Variants in COL4A5 observed in about 807,000 individuals in gnomAD.
COL4A5 encodes the protein collagen alpha-5(IV) chain.
Under a neutral mutation model 130.2 loss-of-function variants are expected in COL4A5, and 26 were observed. The ratio of observed to expected loss-of-function variants is 0.20; its 90% confidence interval spans 0.15 to 0.28. COL4A5 has a LOEUF of 0.28. COL4A5 is among the 10% of genes least tolerant of loss of function. The pLI, the probability that COL4A5 is intolerant of heterozygous loss-of-function variation, is 1.00. For synonymous variants in COL4A5, 496 were observed against 439.6 expected (o/e 1.13, Z -1.60); for missense variants, 1,131 against 1,344.3 (o/e 0.84, Z 2.48).
chrX:108,470,358 T>C lies in COL4A5; in HGVS notation c.81+30152T>C, dbSNP rs897652331. Among the ~76,000 whole-genome samples the C allele has an allele frequency of 9.8e-5, 11 of 112,437 alleles. No homozygotes were observed. The Admixed American group carries it at 1.0e-3, about 11-fold the overall frequency. On this transcript the variant is annotated intron_variant, in intron 1 of 52. Transcript: ENST00000328300. ...AGCCATTCTGACTGGTCTAAGATGGTATATCATTGTGGTTTTGATTTGTAT... is the reference window on the plus strand; with the variant it reads ...AGCCATTCTGACTGGTCTAAGATGGCATATCATTGTGGTTTTGATTTGTAT...
intron 1 of COL4A5, among the ~76,000 whole-genome samples, chrX:108,481,454 C>T (rs1238290712): frequency 9.0e-6 from 1 of 111,662 alleles, no homozygotes; most frequent in African/African-American, 3.3e-5. Context: ...TTGCGATTCT[C>T]TGTTTTTATA....
chrX:108,547,886 G>A (rs190748654), intron 2 of COL4A5, among the ~76,000 whole-genome samples: 21 of 111,918 alleles, frequency 1.9e-4, no homozygotes, highest in Non-Finnish European at 1.5e-4. Context: ...GCGAGGCTCC[G>A]TGGGTTTAGG....
intron 1 of COL4A5, among the ~76,000 whole-genome samples, chrX:108,456,830 GT>G (rs2064589316): frequency 8.9e-6 from 1 of 111,931 alleles, no homozygotes; most frequent in Non-Finnish European, 1.9e-5. Flanking sequence ...GAGCTGCTAG[GT>G]GTCAGACACC....
chrX:108,634,017 T>C (rs2067312094), intron 36 of COL4A5, among the ~76,000 whole-genome samples: 1 of 111,222 alleles, frequency 9.0e-6, no homozygotes, highest in African/African-American at 3.3e-5. Context: ...GAGATGTGCA[T>C]TACAATCAGT....
chrX:108,621,693 A>T (rs1341992809), intron 31 of COL4A5, 110 bp from the exon 32 acceptor site: 1 of 590,479 alleles, frequency 1.7e-6, no homozygotes, highest in African/African-American at 2.2e-5. Flanking sequence ...AAAACTTAAC[A>T]GTGCCTTACG....
At chrX:108,451,387 A>G (rs1054638649) in intron 1 of COL4A5, among the ~76,000 whole-genome samples, 1 of 111,709 alleles carries the variant, frequency 9.0e-6, no homozygotes, top group African/African-American at 3.3e-5. Context: ...GTCAAATGGT[A>G]TTTCTAGTTC....
chrX:108,589,528 G>T lies in COL4A5; in HGVS notation c.1166-1530G>T, dbSNP rs752789678. Among the ~76,000 whole-genome samples the T allele has an allele frequency of 6.3e-5, 7 of 111,322 alleles. No individual in the cohort carries two copies. The South Asian group carries it at 2.6e-3, about 41-fold the overall frequency. ...TTGAAATTAAAAATACCTATATATA[G>T]TGCACAGTAGACATATCTAAAGCAA... On this transcript the variant is annotated intron_variant, in intron 19 of 52. Coordinates refer to ENST00000328300, the MANE Select transcript of COL4A5 (RefSeq NM_033380.3).
intron 2 of COL4A5, among the ~76,000 whole-genome samples, chrX:108,549,621 G>A (rs2065719166): frequency 9.0e-6 from 1 of 111,388 alleles, no homozygotes; most frequent in Admixed American, 9.6e-5. Context: ...AAATGTCTAT[G>A]TTAGAAAAGA....
intron 1 of COL4A5, among the ~76,000 whole-genome samples, chrX:108,507,840 C>T (rs1210132167): frequency 1.8e-5 from 2 of 111,443 alleles, no homozygotes; most frequent in Non-Finnish European, 3.8e-5. Flanking sequence ...CTCAACATTC[C>T]TTCATGTTGA....
chrX:108,497,109 A>G (rs914969670), intron 1 of COL4A5, among the ~76,000 whole-genome samples: 2 of 112,053 alleles, frequency 1.8e-5, no homozygotes, highest in African/African-American at 6.5e-5. Flanking sequence ...GTAGAAATTG[A>G]ATTATACATT....
intron 1 of COL4A5, among the ~76,000 whole-genome samples, chrX:108,477,311 T>A (rs1414517790): frequency 9.0e-6 from 1 of 111,476 alleles, no homozygotes; most frequent in Non-Finnish European, 1.9e-5. Flanking sequence ...AAGACAATAA[T>A]AAGGTCATAA....
intron 36 of COL4A5, among the ~76,000 whole-genome samples, chrX:108,653,969 A>G (rs2067784971): frequency 8.9e-6 from 1 of 112,198 alleles, no homozygotes; most frequent in African/African-American, 3.2e-5. Flanking sequence ...ATGTAAGGAA[A>G]AAGAGACTTT....
chrX:108,610,991 A>T (rs1256367719), intron 29 of COL4A5, among the ~76,000 whole-genome samples: 1 of 111,097 alleles, frequency 9.0e-6, no homozygotes, highest in East Asian at 2.8e-4. Flanking sequence ...CTCAATGGGA[A>T]CTTCTATGAA....
intron 28 of COL4A5, among the ~76,000 whole-genome samples, chrX:108,606,504 T>C (rs369892853): frequency 2.7e-5 from 3 of 111,479 alleles, no homozygotes; most frequent in South Asian, 7.6e-4. Flanking sequence ...TCTCAGTTTT[T>C]TTTTTTTATC....
intron 1 of COL4A5, among the ~76,000 whole-genome samples, chrX:108,492,837 C>G (rs963030143): frequency 1.5e-4 from 17 of 111,291 alleles, no homozygotes; most frequent in African/African-American, 4.9e-4. Flanking sequence ...GAGTTTTGCT[C>G]AACTGCAGAA....
Position 108,596,979 on chromosome X carries a change from T to TTGTG in COL4A5, c.1517-7_1517-4dup, listed in dbSNP as rs754130339. On this transcript the variant is annotated intron_variant, in intron 22 of 52. Coordinates refer to ENST00000328300, the MANE Select transcript of COL4A5 (RefSeq NM_033380.3). ...CGTTATTGTGTGTGTGTGTGTTTGT[T>TTGTG]TGTGTGTGTGTGTGTTAGGATCTCT... The TTGTG allele has an allele frequency of 2.6e-6, 3 of 1,134,779 alleles. No homozygotes were observed. The highest frequency in any genetic ancestry group is 3.9e-5 in the South Asian group (2 of 51,616). 93.5% of individuals were successfully genotyped at this position (1,134,779 alleles called of 1,213,427 possible).
intron 47 of COL4A5, among the ~76,000 whole-genome samples, chrX:108,683,690 CTGTT>C (rs1428940072): frequency 2.7e-5 from 3 of 111,431 alleles, no homozygotes; most frequent in Non-Finnish European, 5.7e-5. Context: ...ATTTGGCTCT[CTGTT>C]TGTCTATTAT....
chrX:108,671,545 G>A (rs2068207487), intron 42 of COL4A5, among the ~76,000 whole-genome samples: 1 of 111,591 alleles, frequency 9.0e-6, no homozygotes, highest in Non-Finnish European at 1.9e-5. Flanking sequence ...TATTGCAGTA[G>A]AGTAGAAACT....
chrX:108,623,965 A>T (rs1233801315), intron 33 of COL4A5, among the ~76,000 whole-genome samples: 1 of 111,820 alleles, frequency 8.9e-6, no homozygotes, highest in Non-Finnish European at 1.9e-5. Flanking sequence ...ATCTGTCCTT[A>T]TTCCTTATTT....
Sources: gnomAD v4.1 joint callset for allele counts (sites outside exome capture counted in the v4.1 genomes callset) on GRCh38, gnomAD v4.1.1 for gene constraint, MANE v1.5 for transcripts, NCBI Gene and HGNC (gene_info 2026-07-23, HGNC 2026-07-21) for gene names.